Variants in COL4A2 observed in about 807,000 individuals in gnomAD.
COL4A2 encodes collagen type IV alpha 2 chain.
Under a neutral mutation model 200.2 loss-of-function variants are expected in COL4A2, and 99 were observed. The observed-to-expected ratio is 0.49, with a 90% CI of 0.42 to 0.58. The LOEUF is 0.58. Ranked by LOEUF, COL4A2 falls within the 20% of genes least tolerant of loss-of-function variation. The pLI, the probability that COL4A2 is intolerant of heterozygous loss-of-function variation, is 0.00. For synonymous variants in COL4A2, 897 were observed against 900.6 expected (o/e 1.00, Z 0.07); for missense variants, 1,950 against 2,314.1 (o/e 0.84, Z 3.23).
intron 27 of COL4A2, 116 bp downstream of exon 27, chr13:110,467,212 G>A (rs955943357): frequency 2.3e-5 from 31 of 1,357,666 alleles, no homozygotes; most frequent in African/African-American, 1.0e-4. Flanking sequence ...AGACATGGTC[G>A]TGTCCAGCAT....
At chr13:110,318,483 T>C (rs1009939854) in intron 3 of COL4A2, among the ~76,000 whole-genome samples, 9 of 152,292 alleles carry the variant, frequency 5.9e-5, no homozygotes, top group Non-Finnish European at 1.0e-4. Flanking sequence ...GCAGTTGTAC[T>C]CATCAGCAAG....
At chr13:110,391,470 C>T (rs996216619) in intron 4 of COL4A2, among the ~76,000 whole-genome samples, 1 of 152,174 alleles carries the variant, frequency 6.6e-6, no homozygotes, top group Non-Finnish European at 1.5e-5. Flanking sequence ...TAGTCAGGAT[C>T]TGTTGAGTTA....
At position 110,308,073 on chromosome 13, in the gene COL4A2, C is replaced by T. The variant is rs200430407; in HGVS notation, c.49C>T (p.Leu17=). ...CTTCCTCCCTTTCCCATGCAGGTGG[C>T]TGCTGCTGGGGACAGTGACCGTGGG... ...AVAGPALRRW[L]LLGTVTVGFL... is the part of the protein sequence containing the mutation. Residue 17 remains leucine (L), a synonymous_variant, in exon 3 of 48, where the codon CTG becomes TTG. Coordinates refer to ENST00000360467, the MANE Select transcript of COL4A2 (RefSeq NM_001846.4). The T allele has an allele frequency of 2.7e-4, 442 of 1,613,702 alleles. No homozygotes were observed. Among genetic ancestry groups the T allele is most frequent in the Middle Eastern group, 3.3e-4 (2 of 6,084 alleles).
intron 3 of COL4A2, among the ~76,000 whole-genome samples, chr13:110,333,539 A>G (rs1260070230): frequency 6.6e-6 from 1 of 152,180 alleles, no homozygotes; most frequent in Non-Finnish European, 1.5e-5. Flanking sequence ...GATTTCTTGT[A>G]GCACTTTTTC....
At chr13:110,355,317 G>A (rs960663470) in intron 3 of COL4A2, among the ~76,000 whole-genome samples, 11 of 117,014 alleles carry the variant, frequency 9.4e-5, no homozygotes, top group Non-Finnish European at 1.5e-5. Context: ...TAGCTCAACT[G>A]TGTGTGGGAG....
At chr13:110,404,044 C>T (rs1333453276) in intron 4 of COL4A2, among the ~76,000 whole-genome samples, 1 of 152,138 alleles carries the variant, frequency 6.6e-6, no homozygotes. Context: ...CTCACCAGGG[C>T]TGTACCCCCA....
At position 110,469,228 on chromosome 13, in the gene COL4A2, C is replaced by T. The variant is rs1330805752; in HGVS notation, c.2107C>T (p.Leu703Phe). Residue 703 changes from leucine to phenylalanine, a missense_variant, in exon 28 of 48, where the codon CTC (leucine) becomes TTC (phenylalanine). Around this residue, in one of 2 missense-constraint regions of COL4A2, gnomAD observed 1,385 missense variants for 1,720.5 expected, o/e 0.80. Transcript: ENST00000360467. ...GPPGPTGAKG[L>F]RGIPGFAGAD... ...ATTTGGTTATTTAGGTGCCAAAGGC[C>T]TCCGAGGAATCCCAGGCTTCGCAGG... 6.3e-7 allele frequency: 1 copy of T among 1,595,660 alleles called. No individual in the cohort carries two copies. The highest frequency in any genetic ancestry group is 2.3e-5 in the East Asian group (1 of 44,432).
intron 4 of COL4A2, among the ~76,000 whole-genome samples, chr13:110,387,603 G>T (rs1878813239): frequency 1.3e-5 from 2 of 152,258 alleles, no homozygotes; most frequent in Non-Finnish European, 2.9e-5. Context: ...AACGCAGGCG[G>T]CTGCAGCCCC....
chr13:110,334,919 G>A (rs1015041088), intron 3 of COL4A2, among the ~76,000 whole-genome samples: 13 of 152,212 alleles, frequency 8.5e-5, no homozygotes, highest in African/African-American at 3.1e-4. Context: ...GTCTGATTCA[G>A]CACAGTCAGA....
intron 3 of COL4A2, among the ~76,000 whole-genome samples, chr13:110,314,753 G>A (rs896306372): frequency 4.6e-5 from 7 of 152,208 alleles, no homozygotes; most frequent in African/African-American, 1.2e-4. Flanking sequence ...CCCTAGGAAC[G>A]CATCAGGCAG....
At chr13:110,358,071 A>G (rs778387844) in intron 4 of COL4A2, among the ~76,000 whole-genome samples, 11 of 152,220 alleles carry the variant, frequency 7.2e-5, no homozygotes, top group Non-Finnish European at 1.3e-4. Flanking sequence ...TTTTTACTTT[A>G]TAAACTGTTA....
At chr13:110,409,432 G>C (rs899251807) in intron 4 of COL4A2, among the ~76,000 whole-genome samples, 10 of 152,234 alleles carry the variant, frequency 6.6e-5, no homozygotes, top group African/African-American at 1.4e-4. Context: ...CTAATGAACC[G>C]CGTGCATCTT....
At chr13:110,455,017 T>C (rs1218674996) in intron 20 of COL4A2, among the ~76,000 whole-genome samples, 1 of 152,094 alleles carries the variant, frequency 6.6e-6, no homozygotes, top group Non-Finnish European at 1.5e-5. Context: ...TCACCCATTC[T>C]GTACTGGCTC....
Position 110,355,361 on chromosome 13 carries a change from A to G in COL4A2, c.100-2111A>G, listed in dbSNP as rs1216297713. On this transcript the variant is annotated intron_variant, in intron 3 of 47. Transcript: ENST00000360467. Reference sequence around the variant, plus strand: ...ACTAGCTCACCTGTGTGTGTGGGGGAGGGCTGCACTAGCTCACCTGTGTGG... The same window carrying G: ...ACTAGCTCACCTGTGTGTGTGGGGGGGGGCTGCACTAGCTCACCTGTGTGG... Among the ~76,000 whole-genome samples the G allele has an allele frequency of 4.7e-4, 32 of 67,572 alleles. 1 individual carries two copies. The highest frequency in any genetic ancestry group is 1.3e-3 in the East Asian group (3 of 2,234). 44.3% of individuals were successfully genotyped at this position (67,572 alleles called of 152,430 possible).
intron 3 of COL4A2, among the ~76,000 whole-genome samples, chr13:110,318,246 A>G (rs548000405): frequency 2.2e-4 from 34 of 152,210 alleles, no homozygotes; most frequent in Non-Finnish European, 4.7e-4. Flanking sequence ...CTAGAACACC[A>G]TGGACTCGTG....
At chr13:110,336,621 C>G (rs745338755) in intron 3 of COL4A2, among the ~76,000 whole-genome samples, 3 of 152,104 alleles carry the variant, frequency 2.0e-5, no homozygotes, top group Non-Finnish European at 4.4e-5. Context: ...AAGGGGGTCC[C>G]TTTTTATCTG....
At chr13:110,368,975 G>C (rs377559213) in intron 4 of COL4A2, among the ~76,000 whole-genome samples, 58 of 152,246 alleles carry the variant, frequency 3.8e-4, no homozygotes, top group African/African-American at 1.4e-3. Flanking sequence ...TTGGGAGGCC[G>C]AGGAGGGCGG....
At chr13:110,480,491 G>T (rs1882862729) in intron 31 of COL4A2, 101 bp downstream of exon 31, 3 of 1,291,824 alleles carry the variant, frequency 2.3e-6, no homozygotes, top group Non-Finnish European at 2.1e-6. Context: ...GGGCCGTGGG[G>T]CTGGCCTCAC....
At chr13:110,456,761 T>G in intron 20 of COL4A2, 1 of 475,474 alleles carries the variant, frequency 2.1e-6, no homozygotes. Flanking sequence ...TGGGCATCCT[T>G]GATGCTGGTG....
Sources: gnomAD v4.1 joint callset for allele counts (sites outside exome capture counted in the v4.1 genomes callset) on GRCh38, gnomAD v4.1.1 for gene constraint, gnomAD v4.1.1 regional missense constraint, MANE v1.5 for transcripts, NCBI Gene and HGNC (gene_info 2026-07-23, HGNC 2026-07-21) for gene names.